The following TAF8 variants were observed in gnomAD, a reference collection of about 807,000 sequenced individuals.
The protein encoded by TAF8 is TATA-box binding protein associated factor 8.
TAF8 carries 47 observed loss-of-function variants against 36.5 expected under a neutral mutation model. The ratio of observed to expected loss-of-function variants is 1.29; its 90% CI spans 1.02 to 1.64. TAF8 has a LOEUF of 1.64. Ranked by LOEUF, TAF8 falls within the 40% of genes most tolerant of loss-of-function variation. TAF8 has a pLI of 0.00. For synonymous variants in TAF8, 175 were observed against 159.5 expected, an observed-to-expected ratio of 1.10 and a Z score of -0.73; for missense variants, 420 against 407.6, an observed-to-expected ratio of 1.03 and a Z score of -0.26.
rs577870323 is a variant in TAF8, at chr6:42,051,834, C to T, written c.202+321C>T. The T allele has an allele frequency of 3.3e-5, 6 of 184,350 alleles. No homozygotes were observed. In the East Asian group the frequency reaches 6.0e-4, roughly 18 times the overall value. 11.4% of individuals were successfully genotyped at this position (184,350 alleles called of 1,614,324 possible). On this transcript the variant is annotated intron_variant, in intron 2 of 8. Transcript: ENST00000372977. ...CAAAAAAATTAGCTGGGCGTGGTGG[C>T]AGGTGTCTATAATCCCAGCCACTCG...
intron 5 of TAF8, chr6:42,057,763 A>C (rs1216357270): frequency 8.8e-6 from 3 of 339,510 alleles, no homozygotes; most frequent in Non-Finnish European, 9.7e-6. Flanking sequence ...CATTTGAAAA[A>C]TAAATAAATA....
intron 5 of TAF8, among the ~76,000 whole-genome samples, chr6:42,062,529 C>CTTTTTTTTTTTTTTTT (rs1174119617): frequency 1.3e-5 from 1 of 78,730 alleles, no homozygotes; most frequent in African/African-American, 5.3e-5. Flanking sequence ...TTAAGACAAT[C>CTTTTTTTTTTTTTTTT]TTTTTTTTTT....
chr6:42,066,254 G>A, intron 5 of TAF8, 58 bp from the exon 6 acceptor site: 2 of 1,600,330 alleles, frequency 1.2e-6, no homozygotes, highest in South Asian at 2.2e-5. Context: ...CCAGGGAGCT[G>A]ATGAAAGCAG....
rs1385482822 is a variant in TAF8 at position 42,057,432 on chromosome 6, A to C, written c.408A>C (p.Ala136=). ...NQPVTPKALT[A]GQNRPHPPHI... ...CAGTGACCCCCAAGGCCCTCACTGC[A>C]GGGCAGAACCGACCCCACCCGCCGC... Residue 136 remains alanine (A), a synonymous_variant, in exon 5 of 9, where the codon GCA becomes GCC. Coordinates refer to ENST00000372977, the MANE Select transcript of TAF8 (RefSeq NM_138572.3). 3 of 1,613,978 alleles carry C rather than the reference A, an allele frequency of 1.9e-6. No individual in the cohort carries two copies. In the African/African-American group the frequency reaches 4.0e-5, roughly 22 times the overall value.
chr6:42,082,541 G>A lies in TAF8; in HGVS notation c.*4996G>A, dbSNP rs1410437903. ...TTTAGTAGAGATGGGGTTTCACCAT[G>A]TTGGCCAGGTTGGTCTCCAACTCCT... On this transcript the variant is annotated 3_prime_UTR_variant, in exon 9 of 9. Transcript: ENST00000372977. 3 of 152,200 alleles carry A rather than the reference G, an allele frequency of 2.0e-5. No homozygotes were observed. Among genetic ancestry groups the A allele is most frequent in the Non-Finnish European group, 2.9e-5 (2 of 68,052 alleles). 9.4% of individuals were successfully genotyped at this position (152,200 alleles called of 1,614,324 possible). A position where few individuals can be genotyped will look rare whatever the true frequency, so the allele number is the denominator to read the frequency against.
intron 1 of TAF8, chr6:42,050,791 G>A (rs1764744468): frequency 3.3e-6 from 3 of 907,020 alleles, no homozygotes; most frequent in South Asian, 4.4e-5. Flanking sequence ...TGATTGGCTC[G>A]TTCGCTGTTG....
intron 6 of TAF8, among the ~76,000 whole-genome samples, chr6:42,067,596 A>T (rs2127458864): frequency 6.6e-6 from 1 of 152,108 alleles, no homozygotes; most frequent in South Asian, 2.1e-4. Context: ...TTGAGACAGG[A>T]TCTCACTTTG....
intron 7 of TAF8, among the ~76,000 whole-genome samples, chr6:42,074,236 C>T (rs897339573): frequency 6.6e-6 from 1 of 152,144 alleles, no homozygotes; most frequent in Admixed American, 6.5e-5. Context: ...CCGTTTACAC[C>T]ACAGGGGAAG....
At chr6:42,077,425 T>TGTCCTGCAGTCTAGG (rs1765791610) in intron 8 of TAF8, 108 bp from the exon 9 acceptor site, 2 of 1,557,494 alleles carry the variant, frequency 1.3e-6, no homozygotes, top group African/African-American at 2.7e-5. Flanking sequence ...AGTGGTTGAG[T>TGTCCTGCAGTCTAGG]GTCCTGCAGT....
At chr6:42,066,269 A>T (rs748676571) in intron 5 of TAF8, 43 bp from the exon 6 acceptor site, 9 of 1,607,496 alleles carry the variant, frequency 5.6e-6, no homozygotes, top group Admixed American at 3.3e-5. Flanking sequence ...AAGCAGAATG[A>T]TACTTCGGCA....
chr6:42,052,538 T>G (rs993571613), intron 2 of TAF8, among the ~76,000 whole-genome samples: 1 of 152,188 alleles, frequency 6.6e-6, no homozygotes, highest in Non-Finnish European at 1.5e-5. Flanking sequence ...GCCAGGCTGG[T>G]CTTGAACTCC....
At chr6:42,051,759 A>C (rs1390791559) in intron 2 of TAF8, 4 of 276,874 alleles carry the variant, frequency 1.4e-5, no homozygotes, top group Non-Finnish European at 2.1e-5. Context: ...TCAGGAGTTC[A>C]AGACCAGCCT....
rs367697309 is a variant in TAF8, at chr6:42,080,927, A to C, written c.*3382A>C. ...AAATAGAACTGTAAGCTTTGAACTTAATTTGTGTTCAAAAGTTAACAGCAA... is the reference window on the plus strand; with the variant it reads ...AAATAGAACTGTAAGCTTTGAACTTCATTTGTGTTCAAAAGTTAACAGCAA... On this transcript the variant is annotated 3_prime_UTR_variant, in exon 9 of 9. Transcript: ENST00000372977. 1.0e-6 allele frequency: 1 copy of C among 985,112 alleles called. No homozygotes were observed. Among genetic ancestry groups the C allele is most frequent in the East Asian group, 1.1e-4 (1 of 8,834 alleles). 61.0% of individuals were successfully genotyped at this position (985,112 alleles called of 1,614,324 possible).
chr6:42,057,901 C>T (rs2127452283), intron 5 of TAF8: 1 of 231,470 alleles, frequency 4.3e-6, no homozygotes, highest in East Asian at 9.4e-5. Context: ...CCAGTATTGC[C>T]TGTCCTACTA....
intron 7 of TAF8, among the ~76,000 whole-genome samples, chr6:42,075,656 GACTTCTTCCCCGTGGAAGA>G (rs369314664): frequency 8.6e-4 from 131 of 152,246 alleles, no homozygotes; most frequent in African/African-American, 3.1e-3. Flanking sequence ...GAATCTCAAT[GACTTCTTCCCCGTGGAAGA>G]ACTTCTTCCC....
chr6:42,073,475 G>GA (rs1380910352), intron 7 of TAF8, among the ~76,000 whole-genome samples: 1 of 152,164 alleles, frequency 6.6e-6, no homozygotes, highest in Non-Finnish European at 1.5e-5. Flanking sequence ...CTGTGTGGGG[G>GA]AAAAACAGTA....
At chr6:42,085,142 A>G (rs1466200479), downstream of TAF8, among the ~76,000 whole-genome samples, 1 of 152,170 alleles carries the variant, frequency 6.6e-6, no homozygotes, top group Non-Finnish European at 1.5e-5. Context: ...ATGGTAGCAT[A>G]CTGCATAAGC....
At chr6:42,062,717 T>C (rs954278807) in intron 5 of TAF8, among the ~76,000 whole-genome samples, 2 of 151,506 alleles carry the variant, frequency 1.3e-5, no homozygotes, top group African/African-American at 2.4e-5. Flanking sequence ...TTTTTTTTTT[T>C]CTTAAGTAGA....
chr6:42,050,809 G>A (rs1764745753), intron 1 of TAF8: 1 of 935,590 alleles, frequency 1.1e-6, no homozygotes, highest in Non-Finnish European at 1.5e-6. Context: ...TTGGGGGTTG[G>A]GAGCCCGGAA....
Sources: gnomAD v4.1 joint callset for allele counts (sites outside exome capture counted in the v4.1 genomes callset) on GRCh38, gnomAD v4.1.1 for gene constraint, MANE v1.5 for transcripts, NCBI Gene and HGNC (gene_info 2026-07-23, HGNC 2026-07-21) for gene names.